ARL13A: variants seen among roughly 807,000 people sequenced by gnomAD.
The protein encoded by ARL13A is ARF like GTPase 13A.
Under a neutral mutation model 19.1 loss-of-function variants are expected in ARL13A, and 16 were observed. The observed-to-expected ratio is 0.84, with a 90% CI of 0.57 to 1.27. The LOEUF (loss-of-function observed/expected upper bound fraction) is 1.27. Ranked by LOEUF, ARL13A falls within the 50% of genes most tolerant of loss-of-function variation. ARL13A has a pLI of 0.00. For synonymous variants in ARL13A, 69 were observed against 71.3 expected (o/e 0.97, Z 0.17); for missense variants, 153 against 186.4 (o/e 0.82, Z 1.04).
chrX:100,986,705 C>G, intron 4 of ARL13A, 91 bp from the exon 5 acceptor site: 10 of 515,388 alleles, frequency 1.9e-5, no homozygotes, highest in Non-Finnish European at 2.5e-5. Flanking sequence ...AGAATTTGTT[C>G]TCCTCCTCTT....
chrX:100,974,614 G>A (rs1464773717), intron 3 of ARL13A, among the ~76,000 whole-genome samples: 4 of 111,851 alleles, frequency 3.6e-5, no homozygotes, highest in African/African-American at 1.3e-4. Flanking sequence ...AGAGAGACAA[G>A]TGTGGGATGA....
Position 100,988,186 on chromosome X carries a change from C to T in ARL13A, c.654-7C>T. On this transcript the variant is annotated splice_polypyrimidine_tract_variant and splice_region_variant and intron_variant, in intron 6 of 7. Transcript: ENST00000450049. ...CTACTACTGCTGTCCTTTCCATCTTCCACCAGCTTCTCCACCAGAACAGGA... is the reference window on the plus strand; with the variant it reads ...CTACTACTGCTGTCCTTTCCATCTTTCACCAGCTTCTCCACCAGAACAGGA... The T allele has an allele frequency of 8.3e-7, 1 of 1,200,188 alleles. No individual in the cohort carries two copies. Among genetic ancestry groups the T allele is most frequent in the Non-Finnish European group, 1.1e-6 (1 of 887,557 alleles).
chrX:100,981,395 T>C (rs939729537), intron 3 of ARL13A, among the ~76,000 whole-genome samples: 1 of 111,204 alleles, frequency 9.0e-6, no homozygotes, highest in East Asian at 2.9e-4. Flanking sequence ...GCACTCTCTC[T>C]TTCAAGCACA....
chrX:100,982,108 A>G (rs1275487781), intron 3 of ARL13A, among the ~76,000 whole-genome samples: 1 of 111,123 alleles, frequency 9.0e-6, no homozygotes, highest in Non-Finnish European at 1.9e-5. Flanking sequence ...AAACCTGGCT[A>G]TATATTTCAA....
intron 7 of ARL13A, 50 bp downstream of exon 7, chrX:100,988,333 T>C (rs950473814): frequency 8.3e-7 from 1 of 1,201,678 alleles, no homozygotes; most frequent in African/African-American, 1.8e-5. Flanking sequence ...CCTGAACACG[T>C]GGGCACCAAC....
chrX:100,988,858 A>ATATATCT (rs1383874841), intron 7 of ARL13A, among the ~76,000 whole-genome samples: 4,958 of 89,608 alleles, frequency 0.055, 361 homozygotes, highest in African/African-American at 0.19. Context: ...TCTCATATAT[A>ATATATCT]TATATATATA....
intron 1 of ARL13A, among the ~76,000 whole-genome samples, chrX:100,970,672 T>G (rs978045700): frequency 9.3e-6 from 1 of 107,661 alleles, no homozygotes; most frequent in Non-Finnish European, 1.9e-5. Context: ...TGCATATACG[T>G]GGGTTTCACA....
chrX:100,973,762 T>TA lies in ARL13A; in HGVS notation c.59+15dup. On this transcript the variant is annotated intron_variant, in intron 2 of 7. Transcript: ENST00000450049. The stretch of plus-strand genomic sequence containing the variant: ...AGAGACACGAAGGTAATATTACAAT[T>TA]ATTTCCCTAGGCCTATTCCACTATT... The TA allele has an allele frequency of 8.3e-7, 1 of 1,205,262 alleles. No homozygotes were observed. Among genetic ancestry groups the TA allele is most frequent in the Non-Finnish European group, 1.1e-6 (1 of 889,723 alleles).
At chrX:100,979,642 C>T (rs1244029952) in intron 3 of ARL13A, among the ~76,000 whole-genome samples, 1 of 111,210 alleles carries the variant, frequency 9.0e-6, no homozygotes, top group Admixed American at 9.5e-5. Context: ...GTCATTTTTC[C>T]TGGATGGTCT....
In ARL13A at chrX:100,988,503, T is replaced by C. The variant is rs769254019; in HGVS notation, c.744+220T>C. 14 of 1,171,937 alleles carry C rather than the reference T, an allele frequency of 1.2e-5. No individual in the cohort carries two copies. In the South Asian group the frequency reaches 1.7e-4, roughly 14 times the overall value. On this transcript the variant is annotated intron_variant, in intron 7 of 7. Transcript: ENST00000450049. The stretch of plus-strand genomic sequence containing the variant: ...AGAATACTACGAAGCTTTGCTACAA[T>C]TGAAGGAGTGGCTTATAGACTCCAG...
chrX:100,975,247 C>T (rs186217480), intron 3 of ARL13A, among the ~76,000 whole-genome samples: 159 of 111,668 alleles, frequency 1.4e-3, no homozygotes, highest in Admixed American at 5.4e-3. Flanking sequence ...AAATGACTTG[C>T]CATCCCCCTT....
chrX:100,985,401 G>T (rs1475575194), intron 3 of ARL13A, among the ~76,000 whole-genome samples: 8 of 111,907 alleles, frequency 7.1e-5, no homozygotes, highest in Non-Finnish European at 1.3e-4. Flanking sequence ...GTAAAGCGAT[G>T]ATTTAGGAAG....
chrX:100,973,433 G>C (rs1011216639), intron 1 of ARL13A, among the ~76,000 whole-genome samples: 1 of 106,412 alleles, frequency 9.4e-6, no homozygotes, highest in Non-Finnish European at 1.9e-5. Context: ...GGCGGCGCTC[G>C]CCGGCGCGGC....
In ARL13A at chrX:100,987,564, G is replaced by C. The variant is rs1352606380; in HGVS notation, c.653+8G>C. The C allele has an allele frequency of 8.3e-7, 1 of 1,206,399 alleles. No individual in the cohort carries two copies. Among genetic ancestry groups the C allele is most frequent in the African/African-American group, 1.7e-5 (1 of 57,178 alleles). On this transcript the variant is annotated splice_region_variant and intron_variant, in intron 6 of 7. Transcript: ENST00000450049. Reference sequence around the variant, plus strand: ...AAGATGCTCATCACACAGGTACTGAGATGCCGCTATGAGATTTGCTGATAA... The same window carrying C: ...AAGATGCTCATCACACAGGTACTGACATGCCGCTATGAGATTTGCTGATAA...
chrX:100,986,842 A>G lies in ARL13A; in HGVS notation c.427A>G (p.Ile143Val), dbSNP rs762042871. ...DKKKALMPCD[I>V]IDYLLLKKLV... Reference sequence around the variant, plus strand: ...GAAGAAAGCCCTCATGCCTTGTGATATTATTGACTATCTACTTCTAAAGAA... The same window carrying G: ...GAAGAAAGCCCTCATGCCTTGTGATGTTATTGACTATCTACTTCTAAAGAA... The change falls in exon 5 of 8, where the codon ATT (isoleucine) becomes GTT (valine). Residue 143 changes from isoleucine to valine, a missense_variant. By Grantham distance (29) the Ile-to-Val change is conservative. Coordinates refer to ENST00000450049, the MANE Select transcript of ARL13A (RefSeq NM_001162491.2). 3 of 1,207,108 alleles carry G rather than the reference A, an allele frequency of 2.5e-6. No homozygotes were observed. Among genetic ancestry groups the G allele is most frequent in the Non-Finnish European group, 3.4e-6 (3 of 892,948 alleles).
At chrX:100,986,721 T>C in intron 4 of ARL13A, 75 bp from the exon 5 acceptor site, 1 of 669,828 alleles carries the variant, frequency 1.5e-6, no homozygotes, top group Admixed American at 3.4e-5. Context: ...CTCTTTCCCT[T>C]CTTTTCTCGC....
Position 100,988,457 on chromosome X carries a change from G to A in ARL13A, c.744+174G>A, listed in dbSNP as rs1213197322. 2.5e-6 allele frequency: 3 copies of A among 1,194,117 alleles called. No homozygotes were observed. The African/African-American group carries it at 5.3e-5, about 21-fold the overall frequency. ...GATGAACCCATGAAAGAAGGTGAAT[G>A]TTCTAGGAGAATGAGAGCTCAGAAT... On this transcript the variant is annotated intron_variant, in intron 7 of 7. Coordinates refer to ENST00000450049, the MANE Select transcript of ARL13A (RefSeq NM_001162491.2).
intron 7 of ARL13A, among the ~76,000 whole-genome samples, chrX:100,988,853 T>TATATATATATATATGAGATAATATATCTC (rs2085976923): frequency 5.2e-5 from 1 of 19,134 alleles, no homozygotes; most frequent in Non-Finnish European, 1.1e-4. Flanking sequence ...ATATATCTCA[T>TATATATATATATATGAGATAATATATCTC]ATATATATAT....
At chrX:100,980,450 G>A (rs1050104859) in intron 3 of ARL13A, among the ~76,000 whole-genome samples, 3 of 110,443 alleles carry the variant, frequency 2.7e-5, no homozygotes, top group African/African-American at 9.9e-5. Flanking sequence ...TGCAGGCAGT[G>A]AGTCCTGCCA....
Sources: allele counts gnomAD v4.1 joint callset (sites outside exome capture counted in the v4.1 genomes callset), GRCh38; gene constraint gnomAD v4.1.1; transcripts MANE v1.5; gene names NCBI Gene and HGNC (gene_info 2026-07-23, HGNC 2026-07-21).